Variants in NCAM1 observed in about 807,000 individuals in gnomAD.
NCAM1 encodes antigen recognized by monoclonal antibody 5.1H11.
Under a neutral mutation model 109.8 loss-of-function variants are expected in NCAM1, and 14 were observed. The observed-to-expected ratio is 0.13, with a 90% confidence interval of 0.08 to 0.20. The LOEUF (loss-of-function observed/expected upper bound fraction) is 0.20. Ranked by LOEUF, NCAM1 falls within the 10% of genes least tolerant of loss-of-function variation. The probability of loss-of-function intolerance (pLI) is 1.00; values close to 1 mark genes in which losing one functional copy is unlikely to be tolerated. For synonymous variants in NCAM1, 418 were observed against 442.9 expected, an observed-to-expected ratio of 0.94 and a Z score of 0.70; for missense variants, 774 against 1,109.9, an observed-to-expected ratio of 0.70 and a Z score of 4.30.
intron 17 of NCAM1, among the ~76,000 whole-genome samples, chr11:113,268,461 G>A (rs1946188567): frequency 6.6e-6 from 1 of 152,210 alleles, no homozygotes; most frequent in South Asian, 2.1e-4. Context: ...GGAAGGGCTG[G>A]GAGGCAAGCC....
intron 1 of NCAM1, among the ~76,000 whole-genome samples, chr11:112,975,078 C>T (rs1591204083): frequency 6.6e-6 from 1 of 151,916 alleles, no homozygotes; most frequent in East Asian, 1.9e-4. Flanking sequence ...GCATCAAAGG[C>T]AAAAACCCGA....
Position 113,277,167 on chromosome 11 carries a change from G to T in NCAM1, c.*1780G>T. The T allele has an allele frequency of 2.5e-6, 1 of 396,448 alleles. No homozygotes were observed. Among genetic ancestry groups the T allele is most frequent in the African/African-American group, 2.1e-5 (1 of 48,682 alleles). 24.6% of individuals were successfully genotyped at this position (396,448 alleles called of 1,614,324 possible). On this transcript the variant is annotated 3_prime_UTR_variant, in exon 20 of 20. Transcript: ENST00000316851. ...ACTCCGCATGCGCTCCTCTCCTAAGGTACAAAGCAGCAAGAGGTTAGGGTG... is the reference window on the plus strand; with the variant it reads ...ACTCCGCATGCGCTCCTCTCCTAAGTTACAAAGCAGCAAGAGGTTAGGGTG...
chr11:113,077,924 T>C (rs1938604125), intron 1 of NCAM1, among the ~76,000 whole-genome samples: 1 of 152,094 alleles, frequency 6.6e-6, no homozygotes, highest in African/African-American at 2.4e-5. Flanking sequence ...TGACCTCAGG[T>C]GATTCACCCA....
chr11:113,185,079 T>TATATATATATATATATAGAGAGAGAGAG, intron 1 of NCAM1, among the ~76,000 whole-genome samples: 15 of 125,730 alleles, frequency 1.2e-4, no homozygotes, highest in African/African-American at 2.2e-4. Context: ...TATATATATA[T>TATATATATATATATATAGAGAGAGAGAG]AGAGAGAGAG....
intron 1 of NCAM1, among the ~76,000 whole-genome samples, chr11:113,033,721 T>G (rs747111256): frequency 3.0e-4 from 45 of 152,192 alleles, no homozygotes; most frequent in Non-Finnish European, 5.1e-4. Context: ...TTCTCCTGCT[T>G]GTTTTTAATT....
intron 1 of NCAM1, among the ~76,000 whole-genome samples, chr11:113,137,920 G>T (rs1459520730): frequency 2.0e-5 from 3 of 152,028 alleles, no homozygotes; most frequent in African/African-American, 7.2e-5. Flanking sequence ...ACAAGGGAGG[G>T]GCAAGACAGA....
At position 113,260,505 on chromosome 11, in the gene NCAM1, AC is replaced by A; in HGVS notation, c.2131+187del. 5 of 617,090 alleles carry A rather than the reference AC, an allele frequency of 8.1e-6. No homozygotes were observed. The South Asian group carries it at 9.8e-5, about 12-fold the overall frequency. 38.2% of individuals were successfully genotyped at this position (617,090 alleles called of 1,614,324 possible). A position where few individuals can be genotyped will look rare whatever the true frequency, so the allele number is the denominator to read the frequency against. On this transcript the variant is annotated intron_variant, in intron 17 of 19. Coordinates refer to ENST00000316851, the MANE Select transcript of NCAM1 (RefSeq NM_181351.5). Reference sequence around the variant, plus strand: ...TGTGCAGTGGGGTGAGATGTACTGGACCCCCAGGAAGGCTTGGCCAAGCATC... The same window carrying A: ...TGTGCAGTGGGGTGAGATGTACTGGACCCCAGGAAGGCTTGGCCAAGCATC...
intron 3 of NCAM1, 81 bp downstream of exon 3, chr11:113,204,585 T>C: frequency 1.4e-6 from 2 of 1,393,760 alleles, no homozygotes; most frequent in Non-Finnish European, 2.0e-6. Flanking sequence ...GTGGAAATGA[T>C]GACAGAAGGA....
intron 1 of NCAM1, among the ~76,000 whole-genome samples, chr11:113,015,770 T>C (rs1952191987): frequency 6.6e-6 from 1 of 151,896 alleles, no homozygotes; most frequent in Non-Finnish European, 1.5e-5. Context: ...GAAAAAAAGA[T>C]AGCGTCAGTC....
chr11:113,109,845 G>A (rs1183123497), intron 1 of NCAM1, among the ~76,000 whole-genome samples: 5 of 152,124 alleles, frequency 3.3e-5, no homozygotes, highest in Non-Finnish European at 7.3e-5. Context: ...ATGCTGTTCC[G>A]GAGGCATCAG....
rs139601002 is a variant in NCAM1 at position 113,251,398 on chromosome 11, G to A, written c.1829-4479G>A. On this transcript the variant is annotated intron_variant, in intron 15 of 19. Coordinates refer to ENST00000316851, the MANE Select transcript of NCAM1 (RefSeq NM_181351.5). ...ATTACAAACAGAGAACCTGCAATCG[G>A]CATGGCCAGAAATATACATTTCAAT... 4.6e-5 allele frequency among the ~76,000 whole-genome samples: 7 copies of A among 152,274 alleles called. No individual in the cohort carries two copies. The East Asian group carries it at 1.4e-3, about 29-fold the overall frequency.
chr11:113,011,442 T>C (rs1488055886), intron 1 of NCAM1, among the ~76,000 whole-genome samples: 3 of 151,138 alleles, frequency 2.0e-5, no homozygotes, highest in African/African-American at 7.3e-5. Context: ...TGTGTCTTTA[T>C]AGCAGCATGA....
At chr11:112,969,462 G>A (rs1380555956) in intron 1 of NCAM1, among the ~76,000 whole-genome samples, 4 of 152,124 alleles carry the variant, frequency 2.6e-5, no homozygotes, top group Non-Finnish European at 4.4e-5. Flanking sequence ...CTTCTGGACT[G>A]AGTCTGACCA....
intron 1 of NCAM1, among the ~76,000 whole-genome samples, chr11:112,972,576 T>G (rs1314819684): frequency 6.6e-6 from 1 of 152,112 alleles, no homozygotes; most frequent in Admixed American, 6.5e-5. Flanking sequence ...CACCCTGTAA[T>G]CAAGACTGGA....
chr11:113,266,364 A>G (rs1555124406), intron 17 of NCAM1, among the ~76,000 whole-genome samples: 1 of 152,140 alleles, frequency 6.6e-6, no homozygotes, highest in East Asian at 1.9e-4. Context: ...CTGCTTGAGG[A>G]GTTTAGACTC....
At chr11:112,964,179 G>A (rs1950666117) in intron 1 of NCAM1, among the ~76,000 whole-genome samples, 1 of 113,738 alleles carries the variant, frequency 8.8e-6, no homozygotes, top group Admixed American at 1.2e-4. Flanking sequence ...CTCAAATGTA[G>A]CATGTCCAGG....
chr11:113,221,243 T>C, intron 8 of NCAM1, 53 bp from the exon 9 acceptor site: 1 of 1,537,084 alleles, frequency 6.5e-7, no homozygotes, highest in Admixed American at 2.0e-5. Flanking sequence ...TAAAGCAACA[T>C]GTTGTAAAAT....
rs978386148 is a variant in NCAM1, at chr11:113,274,641, C to G, written c.2457-626C>G. On this transcript the variant is annotated intron_variant, in intron 19 of 19. Transcript: ENST00000316851. The surrounding 1 kb of genome is among the most constrained non-coding windows in gnomAD (Gnocchi z 4.1). The stretch of plus-strand genomic sequence containing the variant: ...GCCCTGCCCACTCAGCTGCCCTCAA[C>G]TCTCGCATAGCCACCAGGCCCACTC... 2.0e-5 allele frequency among the ~76,000 whole-genome samples: 3 copies of G among 152,212 alleles called. No individual in the cohort carries two copies. In the East Asian group the frequency reaches 5.8e-4, roughly 29 times the overall value.
Position 113,217,060 on chromosome 11 carries a change from C to T in NCAM1, c.1059+2549C>T, listed in dbSNP as rs557821939. On this transcript the variant is annotated intron_variant, in intron 8 of 19. Coordinates refer to ENST00000316851, the MANE Select transcript of NCAM1 (RefSeq NM_181351.5). Reference sequence around the variant, plus strand: ...AAATCAGGGTGATATGCTAAGCAAACAAGAATAGATGATTGTATCTAATTG... The same window carrying T: ...AAATCAGGGTGATATGCTAAGCAAATAAGAATAGATGATTGTATCTAATTG... Among the ~76,000 whole-genome samples the T allele has an allele frequency of 7.9e-5, 12 of 152,284 alleles. No individual in the cohort carries two copies. The East Asian group carries it at 1.7e-3, about 22-fold the overall frequency.
Sources: gnomAD v4.1 joint callset for allele counts (sites outside exome capture counted in the v4.1 genomes callset) on GRCh38, gnomAD v4.1.1 for gene constraint, Gnocchi (gnomAD v3.1) non-coding constraint, MANE v1.5 for transcripts, NCBI Gene and HGNC (gene_info 2026-07-23, HGNC 2026-07-21) for gene names.